Variants in POLR1B observed in about 807,000 individuals in gnomAD.
POLR1B encodes the protein DNA-directed RNA polymerase I subunit RPA2.
In POLR1B, 30 loss-of-function variants were observed where a neutral mutation model predicts 105.8. The ratio of observed to expected loss-of-function variants is 0.28; its 90% confidence interval spans 0.21 to 0.38. The LOEUF is 0.38. POLR1B is among the 10% of genes least tolerant of loss of function. The pLI, the probability that POLR1B is intolerant of heterozygous loss-of-function variation, is 1.00. For missense variants in POLR1B, 976 were observed against 1,435.8 expected, an observed-to-expected ratio of 0.68 and a Z score of 5.17; for synonymous variants, 485 against 505.1, an observed-to-expected ratio of 0.96 and a Z score of 0.53.
Position 112,568,795 on chromosome 2 carries a change from C to A in POLR1B, c.1967C>A (p.Thr656Asn), listed in dbSNP as rs752267315. Residue 656 changes from threonine to asparagine, a missense_variant, in exon 12 of 15, where the codon ACC becomes AAC. This residue lies in a region of POLR1B where 184 missense variants were observed against 197.4 expected (regional missense o/e 0.93). Transcript: ENST00000263331. ...IFEDEVFAGV[T>N]THQELFPHSL... ...GAGGATGAAGTTTTTGCTGGAGTTA[C>A]CACACACCAGGAACTCTTTCCACAC... 1.9e-6 allele frequency: 3 copies of A among 1,614,048 alleles called. No homozygotes were observed. The highest frequency in any genetic ancestry group is 1.7e-6 in the Non-Finnish European group (2 of 1,179,942).
intron 4 of POLR1B, 99 bp downstream of exon 4, chr2:112,549,498 T>TC: frequency 1.1e-6 from 1 of 941,024 alleles, no homozygotes; most frequent in Non-Finnish European, 1.5e-6. Context: ...TATTTTTGTT[T>TC]CTTTTTTTTT....
chr2:112,550,203 G>A (rs982721641), intron 4 of POLR1B, among the ~76,000 whole-genome samples: 4 of 152,230 alleles, frequency 2.6e-5, no homozygotes, highest in African/African-American at 4.8e-5. Context: ...ATAGGTGAAT[G>A]TGGGCCTTGG....
chr2:112,566,691 A>G (rs948822750), intron 10 of POLR1B, among the ~76,000 whole-genome samples: 3 of 151,642 alleles, frequency 2.0e-5, no homozygotes, highest in Admixed American at 1.3e-4. Flanking sequence ...GAACTTTCTC[A>G]TCATCACAAA....
At chr2:112,542,298 C>T, upstream of POLR1B, 4 of 1,528,624 alleles carry the variant, frequency 2.6e-6, no homozygotes, top group Non-Finnish European at 2.6e-6. Flanking sequence ...CTTAATCGGC[C>T]CGTTCACTCG....
chr2:112,546,963 AAAATGCCTTGG>A, intron 1 of POLR1B, 38 bp from the exon 2 acceptor site: 1 of 1,590,260 alleles, frequency 6.3e-7, no homozygotes, highest in Non-Finnish European at 8.6e-7. Flanking sequence ...TCTTAGAGAA[AAAATGCCTTGG>A]AAATGCAAGC....
In POLR1B at chr2:112,568,061, C is replaced by T. The variant is rs1684395676; in HGVS notation, c.1841C>T (p.Thr614Ile). The change falls in exon 11 of 15, where the codon ACC becomes ATC. Residue 614 changes from threonine to isoleucine, a missense_variant. By Grantham distance (89) the Thr-to-Ile change is moderately conservative. Coordinates refer to ENST00000263331, the MANE Select transcript of POLR1B (RefSeq NM_019014.6). ...CTGTACCCAGGATTGTTCCTTTTTA[C>T]CACTCCTTGTAGACTGGTACGGCCT... The part of the protein sequence containing the change: ...PSLYPGLFLF[T>I]TPCRLVRPVQ... The T allele has an allele frequency of 6.2e-7, 1 of 1,613,918 alleles. No homozygotes were observed. Among genetic ancestry groups the T allele is most frequent in the African/African-American group, 1.3e-5 (1 of 74,888 alleles).
Position 112,559,376 on chromosome 2 carries a change from G to A in POLR1B, c.1414G>A (p.Val472Met), listed in dbSNP as rs200625903. Reference sequence around the variant, plus strand: ...ACGCTACCTCTCCCATTTCCGCTGCGTGCACAGAGGGGCTGATTTTGCCAA... The same window carrying A: ...ACGCTACCTCTCCCATTTCCGCTGCATGCACAGAGGGGCTGATTTTGCCAA... Reference protein sequence around the residue: ...FIRYLSHFRCVHRGADFAKMR... With the variant: ...FIRYLSHFRCMHRGADFAKMR... Residue 472 changes from valine (V) to methionine (M), a missense_variant, in exon 9 of 15, where the codon GTG becomes ATG. Transcript: ENST00000263331. 2.4e-5 allele frequency: 38 copies of A among 1,614,140 alleles called. No homozygotes were observed. The highest frequency in any genetic ancestry group is 5.3e-5 in the African/African-American group (4 of 75,028).
At chr2:112,554,404 A>G (rs1201064197) in intron 7 of POLR1B, 1 of 152,146 alleles carries the variant, frequency 6.6e-6, no homozygotes, top group Non-Finnish European at 1.5e-5. Flanking sequence ...AAGTGCTAGG[A>G]TTACAGGCGT....
At chr2:112,549,216 C>T (rs766766837) in intron 3 of POLR1B, 51 bp from the exon 4 acceptor site, 1 of 1,598,958 alleles carries the variant, frequency 6.3e-7, no homozygotes, top group Non-Finnish European at 8.6e-7. Context: ...TTCATGTTTA[C>T]AGTTAGTCAT....
chr2:112,559,508 G>T lies in POLR1B; in HGVS notation c.1546G>T (p.Ala516Ser). Residue 516 changes from alanine to serine, a missense_variant, in exon 9 of 15, where the codon GCC becomes TCC. Ala to Ser is a moderately conservative substitution (Grantham distance 99). Transcript: ENST00000263331. ...CTGTGGCCTGATGAACCACCTAACT[G>T]CCGTATGTGAGGTTGTCACACAGTT... ...EPCGLMNHLT[A>S]VCEVVTQFVY... 3 of 1,614,208 alleles carry T rather than the reference G, an allele frequency of 1.9e-6. No homozygotes were observed. The highest frequency in any genetic ancestry group is 2.5e-6 in the Non-Finnish European group (3 of 1,180,026).
At position 112,568,111 on chromosome 2, in the gene POLR1B, G is replaced by A. The variant is rs749457076; in HGVS notation, c.1891G>A (p.Glu631Lys). ...TGTGCAGAACTTAGCATTGGGCAAA[G>A]AAGAGCTAATTGGAACTATGGAACA... ...RPVQNLALGK[E>K]ELIGTMEQIF... Residue 631 changes from glutamate (E) to lysine (K), a missense_variant, in exon 11 of 15, where the codon GAA (glutamate) becomes AAA (lysine). Physicochemically the swap from Glu to Lys is moderately conservative, Grantham distance 56. Coordinates refer to ENST00000263331, the MANE Select transcript of POLR1B (RefSeq NM_019014.6). The A allele has an allele frequency of 2.5e-4, 397 of 1,613,982 alleles. No homozygotes were observed. Among genetic ancestry groups the A allele is most frequent in the Non-Finnish European group, 3.3e-4 (385 of 1,179,944 alleles).
At chr2:112,559,726 G>C (rs1346207274) in intron 9 of POLR1B, 152 bp downstream of exon 9, 2 of 889,230 alleles carry the variant, frequency 2.2e-6, no homozygotes, top group African/African-American at 3.4e-5. Context: ...TGCCTCCTAG[G>C]TTCACGCCAT....
chr2:112,544,781 C>A (rs980050692), intron 1 of POLR1B, among the ~76,000 whole-genome samples: 2 of 152,164 alleles, frequency 1.3e-5, no homozygotes, highest in African/African-American at 2.4e-5. Flanking sequence ...TTTTTACTTA[C>A]AAAACATAAT....
chr2:112,542,202 C>A (rs1383409117), upstream of POLR1B: 11 of 1,535,558 alleles, frequency 7.2e-6, no homozygotes, highest in Middle Eastern at 5.0e-4. Context: ...CGGGTTTCCA[C>A]CTGCGGCATC....
Position 112,573,609 on chromosome 2 carries a change from C to T in POLR1B, c.2319C>T (p.Val773=). 4.3e-6 allele frequency: 7 copies of T among 1,614,198 alleles called. No homozygotes were observed. The highest frequency in any genetic ancestry group is 5.9e-6 in the Non-Finnish European group (7 of 1,180,026). ...AACGAGGCTTTGCCCATGGAAGTGTCTACAAGTCTGAGTTCATAGACCTCT... is the reference window on the plus strand; with the variant it reads ...AACGAGGCTTTGCCCATGGAAGTGTTTACAAGTCTGAGTTCATAGACCTCT... ...SWERGFAHGS[V]YKSEFIDLSE... The change falls in exon 14 of 15, where the codon GTC becomes GTT. Residue 773 remains valine (V), a synonymous_variant. Coordinates refer to ENST00000263331, the MANE Select transcript of POLR1B (RefSeq NM_019014.6).
chr2:112,550,645 T>C (rs1465895617), intron 4 of POLR1B: 1 of 558,776 alleles, frequency 1.8e-6, no homozygotes, highest in Non-Finnish European at 3.2e-6. Context: ...CTTAAATTCA[T>C]AGTTTCGGTT....
At chr2:112,564,942 C>T (rs1172583289) in intron 10 of POLR1B, among the ~76,000 whole-genome samples, 1 of 152,168 alleles carries the variant, frequency 6.6e-6, no homozygotes, top group Non-Finnish European at 1.5e-5. Context: ...GGGATTTCCT[C>T]CTAGTGAAGA....
rs1291215487 is a variant in POLR1B at position 112,564,457 on chromosome 2, G to T, written c.1704G>T (p.Lys568Asn). 9 of 1,614,260 alleles carry T rather than the reference G, an allele frequency of 5.6e-6. No homozygotes were observed. The highest frequency in any genetic ancestry group is 7.6e-6 in the Non-Finnish European group (9 of 1,180,038). ...GTGTCATGGTTGGCTGGGTGGATAAGGATCTTGCTCCAGGCATCGCAGATT... is the reference window on the plus strand; with the variant it reads ...GTGTCATGGTTGGCTGGGTGGATAATGATCTTGCTCCAGGCATCGCAGATT... ...LDGVMVGWVD[K>N]DLAPGIADSL... Residue 568 changes from lysine to asparagine, a missense_variant, in exon 10 of 15, where the codon AAG (lysine) becomes AAT (asparagine). By Grantham distance (94) the Lys-to-Asn change is moderately conservative. Around this residue, in one of 12 missense-constraint regions of POLR1B, gnomAD observed 184 missense variants for 197.4 expected, o/e 0.93. Coordinates refer to ENST00000263331, the MANE Select transcript of POLR1B (RefSeq NM_019014.6).
rs1171303490 is a variant in POLR1B at position 112,547,492 on chromosome 2, C to G, written c.417C>G (p.Ile139Met). 7.4e-6 allele frequency: 12 copies of G among 1,613,966 alleles called. No individual in the cohort carries two copies. Among genetic ancestry groups the G allele is most frequent in the Non-Finnish European group, 1.0e-5 (12 of 1,179,958 alleles). Residue 139 changes from isoleucine (I) to methionine (M), a missense_variant, in exon 3 of 15, where the codon ATC (isoleucine) becomes ATG (methionine). Physicochemically the swap from Ile to Met is conservative, Grantham distance 10. Coordinates refer to ENST00000263331, the MANE Select transcript of POLR1B (RefSeq NM_019014.6). ...AGCAGTTTCTTGGCTATGTTCCCAT[C>G]ATGGTGAAATCCAAGCTTTGCAACT... Reference protein sequence around the residue: ...IIKQFLGYVPIMVKSKLCNLR... With the variant: ...IIKQFLGYVPMMVKSKLCNLR...
Sources: gnomAD v4.1 joint callset for allele counts (sites outside exome capture counted in the v4.1 genomes callset) on GRCh38, gnomAD v4.1.1 for gene constraint, gnomAD v4.1.1 regional missense constraint, MANE v1.5 for transcripts, NCBI Gene and HGNC (gene_info 2026-07-23, HGNC 2026-07-21) for gene names.